The following DIAPH2 variants were observed in gnomAD, a reference collection of about 807,000 sequenced individuals.
DIAPH2 encodes the protein diaphanous related formin 2.
DIAPH2 carries 35 observed loss-of-function variants against 92.7 expected under a neutral mutation model. The observed-to-expected ratio is 0.38, with a 90% CI of 0.29 to 0.50. The LOEUF (loss-of-function observed/expected upper bound fraction) is 0.50. Ranked by LOEUF, DIAPH2 falls within the 20% of genes least tolerant of loss-of-function variation. The probability of loss-of-function intolerance (pLI) is 0.94; values close to 1 mark genes in which losing one functional copy is unlikely to be tolerated. For synonymous variants in DIAPH2, 301 were observed against 280.4 expected (o/e 1.07, Z -0.73); for missense variants, 701 against 819.5 (o/e 0.86, Z 1.77).
At chrX:96,714,286 G>T (rs2063936709) in intron 1 of DIAPH2, among the ~76,000 whole-genome samples, 2 of 94,440 alleles carry the variant, frequency 2.1e-5, no homozygotes, top group Admixed American at 2.4e-4. Context: ...TTTTTTTTGA[G>T]ATGGAGTTTT....
intron 22 of DIAPH2, among the ~76,000 whole-genome samples, chrX:97,178,169 G>A (rs566078333): frequency 2.6e-3 from 283 of 110,756 alleles, no homozygotes; most frequent in Non-Finnish European, 5.0e-3. Context: ...AGCCCTGGAG[G>A]TCAAGGCTGC....
At chrX:96,771,930 A>G (rs887339665) in intron 4 of DIAPH2, among the ~76,000 whole-genome samples, 2 of 110,250 alleles carry the variant, frequency 1.8e-5, no homozygotes, top group Non-Finnish European at 3.8e-5. Context: ...CCAATCTCCT[A>G]GGGAGGTTGA....
At chrX:96,871,637 C>A (rs952435577) in intron 4 of DIAPH2, among the ~76,000 whole-genome samples, 1 of 110,530 alleles carries the variant, frequency 9.0e-6, no homozygotes. Flanking sequence ...TTTATGGGGA[C>A]CTTTTTAGAA....
intron 4 of DIAPH2, among the ~76,000 whole-genome samples, chrX:96,779,937 AC>A (rs1366269152): frequency 2.7e-5 from 3 of 111,960 alleles, no homozygotes; most frequent in African/African-American, 9.7e-5. Flanking sequence ...CAAAAATAGC[AC>A]CCATGTTCAA....
chrX:96,780,209 G>A (rs1282680443), intron 4 of DIAPH2, among the ~76,000 whole-genome samples: 1 of 112,012 alleles, frequency 8.9e-6, no homozygotes, highest in Non-Finnish European at 1.9e-5. Context: ...GGTGTTAGAT[G>A]TTAATGTTTA....
intron 4 of DIAPH2, among the ~76,000 whole-genome samples, chrX:96,783,201 G>A (rs780543292): frequency 2.7e-5 from 3 of 111,639 alleles, no homozygotes; most frequent in Non-Finnish European, 5.6e-5. Flanking sequence ...AATGTGGAGA[G>A]GGAGGGGAAG....
At chrX:97,492,708 A>G (rs372052894) in intron 26 of DIAPH2, among the ~76,000 whole-genome samples, 1 of 111,691 alleles carries the variant, frequency 9.0e-6, no homozygotes, top group East Asian at 2.8e-4. Flanking sequence ...AACACTTTGA[A>G]TATTATAAGC....
chrX:97,086,609 G>A (rs1411437249), intron 19 of DIAPH2, among the ~76,000 whole-genome samples: 1 of 111,738 alleles, frequency 8.9e-6, no homozygotes, highest in Non-Finnish European at 1.9e-5. Context: ...ATTCCACAGT[G>A]TATACATATA....
intron 13 of DIAPH2, 123 bp downstream of exon 13, chrX:96,942,259 G>A: frequency 2.1e-6 from 1 of 470,414 alleles, no homozygotes; most frequent in Non-Finnish European, 3.7e-6. Flanking sequence ...TTCATATCTG[G>A]TAAATCATTG....
intron 13 of DIAPH2, among the ~76,000 whole-genome samples, chrX:96,943,742 A>G (rs2065721119): frequency 2.7e-5 from 3 of 111,302 alleles, no homozygotes; most frequent in African/African-American, 9.8e-5. Context: ...TCAGTATTCA[A>G]CAGACGTTTG....
chrX:97,065,404 G>A (rs1026511920), intron 17 of DIAPH2, among the ~76,000 whole-genome samples: 5 of 111,227 alleles, frequency 4.5e-5, no homozygotes, highest in South Asian at 3.8e-4. Context: ...ACAATGGACC[G>A]CTTATATGAT....
rs181166186 is a variant in DIAPH2 at position 97,208,491 on chromosome X, T to C, written c.2720-39224T>C. On this transcript the variant is annotated intron_variant, in intron 22 of 26. Transcript: ENST00000324765. ...TGTTTCAGTCTGTTTTCAGATTAAC[T>C]TGGATCTAATTAATGCATTAGCTAC... Among the ~76,000 whole-genome samples the C allele has an allele frequency of 6.2e-5, 7 of 112,164 alleles. No homozygotes were observed. The East Asian group carries it at 2.0e-3, about 31-fold the overall frequency.
intron 25 of DIAPH2, among the ~76,000 whole-genome samples, chrX:97,421,090 C>CTGAA (rs940659022): frequency 3.2e-3 from 362 of 112,056 alleles, no homozygotes; most frequent in African/African-American, 0.011. Context: ...TGCTTGTGGA[C>CTGAA]TGAAATATAA....
At chrX:97,594,943 T>C (rs1462208539) in intron 26 of DIAPH2, among the ~76,000 whole-genome samples, 1 of 111,141 alleles carries the variant, frequency 9.0e-6, no homozygotes, top group African/African-American at 3.3e-5. Context: ...GGCCCTTTTA[T>C]AACAGTTTTT....
At chrX:97,085,571 A>G (rs886883748) in intron 19 of DIAPH2, among the ~76,000 whole-genome samples, 1 of 110,006 alleles carries the variant, frequency 9.1e-6, no homozygotes, top group African/African-American at 3.3e-5. Context: ...ACTACAGACC[A>G]CCGCCCGGCT....
intron 20 of DIAPH2, among the ~76,000 whole-genome samples, chrX:97,112,489 A>G (rs1052094318): frequency 9.0e-6 from 1 of 111,238 alleles, no homozygotes; most frequent in African/African-American, 3.3e-5. Flanking sequence ...AAATGAAGGC[A>G]GAAAAATATA....
chrX:97,185,411 GTATATATA>G (rs1404623784), intron 22 of DIAPH2, among the ~76,000 whole-genome samples: 1 of 26,652 alleles, frequency 3.8e-5, no homozygotes, highest in Non-Finnish European at 6.0e-5. Flanking sequence ...ATATATATAT[GTATATATA>G]TATGTATATA....
At chrX:97,275,341 C>T (rs1288095941) in intron 23 of DIAPH2, among the ~76,000 whole-genome samples, 2 of 99,910 alleles carry the variant, frequency 2.0e-5, no homozygotes, top group African/African-American at 7.4e-5. Flanking sequence ...CCACCTCCCT[C>T]CTGGGTGGGG....
chrX:97,440,390 G>A (rs1263776649), intron 26 of DIAPH2, among the ~76,000 whole-genome samples: 1 of 110,035 alleles, frequency 9.1e-6, no homozygotes, highest in Admixed American at 9.7e-5. Context: ...TCAGGAGTTC[G>A]AGACCAGCCT....
Sources: gnomAD v4.1 joint callset for allele counts (sites outside exome capture counted in the v4.1 genomes callset) on GRCh38, gnomAD v4.1.1 for gene constraint, MANE v1.5 for transcripts, NCBI Gene and HGNC (gene_info 2026-07-23, HGNC 2026-07-21) for gene names.